ATP7B: variants seen among roughly 807,000 people sequenced by gnomAD.
The protein encoded by ATP7B is ATPase copper transporting beta, also known as copper-transporting ATPase 2.
Under a neutral mutation model 118.9 loss-of-function variants are expected in ATP7B, and 113 were observed. The observed-to-expected ratio is 0.95, with a 90% CI of 0.82 to 1.11. The LOEUF is 1.11. Ranked by LOEUF, ATP7B falls within the 50% of genes most tolerant of loss-of-function variation. ATP7B has a pLI of 0.00. For synonymous variants in ATP7B, 777 were observed against 727.4 expected, an observed-to-expected ratio of 1.07 and a Z score of -1.10; for missense variants, 1,867 against 1,871.4, an observed-to-expected ratio of 1.00 and a Z score of 0.04.
chr13:51,981,962 T>A (rs999028337), intron 1 of ATP7B, among the ~76,000 whole-genome samples: 1 of 152,032 alleles, frequency 6.6e-6, no homozygotes, highest in Non-Finnish European at 1.5e-5. Context: ...CAACACAAAT[T>A]TGTAAACTTT....
At chr13:51,958,888 C>A (rs1183796504) in intron 7 of ATP7B, 2 of 354,304 alleles carry the variant, frequency 5.6e-6, no homozygotes, top group Non-Finnish European at 5.3e-6. Context: ...TGGGCTCTAT[C>A]TATAACCCAC....
At chr13:51,985,661 T>C (rs1566632810) in intron 1 of ATP7B, among the ~76,000 whole-genome samples, 1 of 152,194 alleles carries the variant, frequency 6.6e-6, no homozygotes, top group Non-Finnish European at 1.5e-5. Flanking sequence ...GACCACATAA[T>C]TGGAAGTGAA....
At chr13:51,953,516 AACC>A (rs1958137675) in intron 9 of ATP7B, among the ~76,000 whole-genome samples, 1 of 152,224 alleles carries the variant, frequency 6.6e-6, no homozygotes, top group African/African-American at 2.4e-5. Context: ...GATCTAAATT[AACC>A]ACATCTTTCT....
intron 4 of ATP7B, 110 bp from the exon 5 acceptor site, chr13:51,965,143 C>G (rs1951483418): frequency 3.7e-6 from 5 of 1,367,748 alleles, no homozygotes; most frequent in African/African-American, 1.4e-5. Flanking sequence ...CCCTCCTCAG[C>G]ACTGCTCTCA....
At chr13:52,008,427 T>C (rs148211964) in intron 1 of ATP7B, among the ~76,000 whole-genome samples, 1 of 152,186 alleles carries the variant, frequency 6.6e-6, no homozygotes, top group African/African-American at 2.4e-5. Flanking sequence ...TGGCACAATC[T>C]CCAGAGGTTG....
chr13:51,958,961 G>A (rs1374089024), intron 7 of ATP7B: 7 of 241,126 alleles, frequency 2.9e-5, no homozygotes, highest in South Asian at 2.5e-4. Flanking sequence ...AGTCTATCTT[G>A]TATGATCCCA....
At position 51,974,734 on chromosome 13, in the gene ATP7B, T is replaced by A; in HGVS notation, c.486A>T (p.Glu162Asp). 1 of 1,614,076 alleles carries A rather than the reference T, an allele frequency of 6.2e-7. No individual in the cohort carries two copies. Among genetic ancestry groups the A allele is most frequent in the Non-Finnish European group, 8.5e-7 (1 of 1,179,944 alleles). ...CTCCTTGCAGTTTCCGGACCTTGCC[T>A]TCAATGGAGCTGACACAGGACTGGC... ...MTCQSCVSSIEGKVRKLQGVV... is the reference protein window; with the variant it reads ...MTCQSCVSSIDGKVRKLQGVV... Residue 162 changes from glutamate (E) to aspartate (D), a missense_variant, in exon 2 of 21, where the codon GAA becomes GAT. Coordinates refer to ENST00000242839, the MANE Select transcript of ATP7B (RefSeq NM_000053.4).
At chr13:51,938,210 T>C (rs1274745360) in intron 17 of ATP7B, among the ~76,000 whole-genome samples, 1 of 152,234 alleles carries the variant, frequency 6.6e-6, no homozygotes, top group Non-Finnish European at 1.5e-5. Context: ...TCCTGCTGCC[T>C]GCTCTGTCCT....
At chr13:51,983,269 T>A (rs943973465) in intron 1 of ATP7B, among the ~76,000 whole-genome samples, 1 of 152,140 alleles carries the variant, frequency 6.6e-6, no homozygotes, top group Non-Finnish European at 1.5e-5. Flanking sequence ...GCAGGTGGTT[T>A]TCCCCTCATA....
chr13:51,949,342 T>G (rs1251925011), intron 12 of ATP7B, among the ~76,000 whole-genome samples: 2 of 152,214 alleles, frequency 1.3e-5, no homozygotes, highest in African/African-American at 4.8e-5. Flanking sequence ...GTGAACTATT[T>G]TCTATGATGT....
At chr13:51,966,970 A>G in intron 4 of ATP7B, 1 of 1,613,660 alleles carries the variant, frequency 6.2e-7, no homozygotes, top group Non-Finnish European at 8.5e-7. Flanking sequence ...TGAAGAAACC[A>G]CAGCTGATGG....
At chr13:52,000,133 A>G (rs1369370340) in intron 1 of ATP7B, among the ~76,000 whole-genome samples, 1 of 152,194 alleles carries the variant, frequency 6.6e-6, no homozygotes, top group Non-Finnish European at 1.5e-5. Context: ...CATCCAGGCC[A>G]GGAGAAGTAT....
rs117287342 is a variant in ATP7B, at chr13:51,939,427, T to A, written c.3557-234A>T. On this transcript the variant is annotated intron_variant, in intron 16 of 20. Transcript: ENST00000242839. ...GCAGTGGCTCCCCAAGGAATAGGATTACGAGTGATTTCATTTTCTCCTTTA... is the reference window on the plus strand; with the variant it reads ...GCAGTGGCTCCCCAAGGAATAGGATAACGAGTGATTTCATTTTCTCCTTTA... Among the ~76,000 whole-genome samples the A allele has an allele frequency of 6.8e-4, 104 of 152,344 alleles. No individual in the cohort carries two copies. The East Asian group carries it at 0.015, about 23-fold the overall frequency.
chr13:51,936,153 G>A (rs1021734790), intron 19 of ATP7B, among the ~76,000 whole-genome samples: 4 of 152,226 alleles, frequency 2.6e-5, no homozygotes, highest in African/African-American at 9.6e-5. Context: ...CTTTAGAAGA[G>A]GAATGAGAGC....
intron 1 of ATP7B, among the ~76,000 whole-genome samples, chr13:51,980,308 T>C (rs925082892): frequency 2.0e-5 from 3 of 152,080 alleles, no homozygotes; most frequent in African/African-American, 7.3e-5. Flanking sequence ...GGCTTTAGAA[T>C]GACTTTTTCT....
chr13:51,995,379 G>A, intron 1 of ATP7B: 3 of 980,568 alleles, frequency 3.1e-6, no homozygotes, highest in South Asian at 9.5e-5. Flanking sequence ...TCCTCTGACG[G>A]TGGAGTGCCT....
chr13:51,955,545 T>C (rs1593715197), intron 9 of ATP7B, among the ~76,000 whole-genome samples: 1 of 152,140 alleles, frequency 6.6e-6, no homozygotes, highest in African/African-American at 2.4e-5. Context: ...TTATGACAGG[T>C]GCTGCACGCA....
At chr13:51,990,831 T>A (rs1455138908) in intron 1 of ATP7B, among the ~76,000 whole-genome samples, 3 of 152,246 alleles carry the variant, frequency 2.0e-5, no homozygotes, top group Non-Finnish European at 2.9e-5. Flanking sequence ...GGCTCATACC[T>A]GTAATCCCAG....
rs551489515 is a variant in ATP7B, at chr13:51,982,543, T to C, written c.52-7375A>G. On this transcript the variant is annotated intron_variant, in intron 1 of 20. Coordinates refer to ENST00000242839, the MANE Select transcript of ATP7B (RefSeq NM_000053.4). ...ATACAAGAAAGCTCCGGCTGGCATC[T>C]GGCGGGAGTAATAATAATGGCCATC... Among the ~76,000 whole-genome samples, 503 of 152,302 alleles carry C rather than the reference T, an allele frequency of 3.3e-3. 2 individuals carry two copies. The highest frequency in any genetic ancestry group is 5.6e-3 in the Non-Finnish European group (381 of 68,028).
Sources: allele counts gnomAD v4.1 joint callset (sites outside exome capture counted in the v4.1 genomes callset), GRCh38; gene constraint gnomAD v4.1.1; transcripts MANE v1.5; gene names NCBI Gene and HGNC (gene_info 2026-07-23, HGNC 2026-07-21).